Variants in IMMP2L observed in about 807,000 individuals in gnomAD.
IMMP2L encodes the protein inner mitochondrial membrane peptidase subunit 2, also known as mitochondrial inner membrane protease subunit 2.
IMMP2L carries 18 observed loss-of-function variants against 19.3 expected under a neutral mutation model. The observed-to-expected ratio is 0.93, with a 90% CI of 0.64 to 1.38. IMMP2L has a LOEUF of 1.38. Among genes scored for constraint, IMMP2L ranks in the 40% most tolerant of loss-of-function variants. The pLI is 0.00. For synonymous variants in IMMP2L, 76 were observed against 73.0 expected, an observed-to-expected ratio of 1.04 and a Z score of -0.21; for missense variants, 233 against 218.2, an observed-to-expected ratio of 1.07 and a Z score of -0.43.
intron 5 of IMMP2L, among the ~76,000 whole-genome samples, chr7:110,742,768 C>CA (rs35558488): frequency 3.0e-4 from 37 of 121,566 alleles, no homozygotes; most frequent in East Asian, 2.0e-3. Context: ...AACTCCGTCT[C>CA]AAAAAAAAAA....
intron 3 of IMMP2L, among the ~76,000 whole-genome samples, chr7:111,377,348 G>C (rs533765737): frequency 2.0e-5 from 3 of 151,724 alleles, no homozygotes; most frequent in Non-Finnish European, 4.4e-5. Context: ...TCCTTCTATA[G>C]TACAGCTCTA....
rs868624160 is a variant in IMMP2L, at chr7:111,355,763, T to A, written c.239+131475A>T. 5.5e-4 allele frequency among the ~76,000 whole-genome samples: 83 copies of A among 152,042 alleles called. 1 individual carries two copies. The Middle Eastern group carries it at 0.017, about 31-fold the overall frequency. On this transcript the variant is annotated intron_variant, in intron 3 of 5. Coordinates refer to ENST00000405709, the MANE Select transcript of IMMP2L (RefSeq NM_032549.4). ...CCAAACATATTTGAAGCTATTTTTTTAACTAAGGAGAACATACAATTAGTC... is the reference window on the plus strand; with the variant it reads ...CCAAACATATTTGAAGCTATTTTTTAAACTAAGGAGAACATACAATTAGTC...
chr7:110,921,053 A>T (rs1413029487), intron 4 of IMMP2L, among the ~76,000 whole-genome samples: 2 of 152,214 alleles, frequency 1.3e-5, no homozygotes, highest in Non-Finnish European at 2.9e-5. Context: ...AAAGAATAAG[A>T]ATTAGAACTG....
chr7:110,738,035 T>A (rs945486023), intron 5 of IMMP2L, among the ~76,000 whole-genome samples: 1 of 152,180 alleles, frequency 6.6e-6, no homozygotes, highest in Non-Finnish European at 1.5e-5. Context: ...TGAAGCACCC[T>A]GTGGGACAAA....
intron 3 of IMMP2L, among the ~76,000 whole-genome samples, chr7:111,429,035 T>C (rs1282997423): frequency 6.6e-6 from 1 of 151,852 alleles, no homozygotes; most frequent in Admixed American, 6.6e-5. Context: ...ACATAAGTAG[T>C]TGGATGAATA....
intron 3 of IMMP2L, among the ~76,000 whole-genome samples, chr7:111,330,957 G>C (rs1433826799): frequency 6.6e-6 from 1 of 151,844 alleles, no homozygotes; most frequent in Non-Finnish European, 1.5e-5. Flanking sequence ...GGAGAAAAGG[G>C]AATCCTTGTA....
chr7:110,821,397 A>C (rs1803015085), intron 5 of IMMP2L, among the ~76,000 whole-genome samples: 1 of 152,060 alleles, frequency 6.6e-6, no homozygotes, highest in Admixed American at 6.6e-5. Flanking sequence ...GCATTAATGT[A>C]ATTTCAATCT....
chr7:111,432,871 T>C (rs982240717), intron 3 of IMMP2L, among the ~76,000 whole-genome samples: 9 of 149,670 alleles, frequency 6.0e-5, no homozygotes, highest in East Asian at 2.0e-4. Context: ...AAAATTAATA[T>C]ACAGAAATCA....
chr7:111,175,218 G>A (rs1163682888), intron 3 of IMMP2L, among the ~76,000 whole-genome samples: 2 of 151,694 alleles, frequency 1.3e-5, no homozygotes, highest in Non-Finnish European at 2.9e-5. Context: ...CAAGCAGATG[G>A]CCAAGGAAAA....
At chr7:111,543,388 C>T (rs75603263) in intron 1 of IMMP2L, among the ~76,000 whole-genome samples, 2,494 of 152,098 alleles carry the variant, frequency 0.016, 66 homozygotes, top group African/African-American at 0.057. Flanking sequence ...TATAACAAAC[C>T]CCTCCCCTGA....
intron 3 of IMMP2L, among the ~76,000 whole-genome samples, chr7:111,081,248 T>C (rs912182328): frequency 2.0e-5 from 3 of 152,144 alleles, no homozygotes; most frequent in Non-Finnish European, 4.4e-5. Context: ...TTACATGAAA[T>C]ATATGTTTAT....
At chr7:111,533,213 A>T (rs1189487422) in intron 1 of IMMP2L, among the ~76,000 whole-genome samples, 1 of 152,196 alleles carries the variant, frequency 6.6e-6, no homozygotes, top group Non-Finnish European at 1.5e-5. Flanking sequence ...AAGTCCAGGT[A>T]TTATAACGAG....
chr7:111,411,392 G>A (rs78244315), intron 3 of IMMP2L: 2 of 475,152 alleles, frequency 4.2e-6, no homozygotes, highest in Non-Finnish European at 8.4e-6. Context: ...AAAAAAAGGG[G>A]TCCCCGTGAA....
chr7:111,125,888 C>T lies in IMMP2L; in HGVS notation c.240-162323G>A, dbSNP rs1801255523. On this transcript the variant is annotated intron_variant, in intron 3 of 5. Transcript: ENST00000405709. ...CTCAGGCAGGAGTGCAGTGGCAAAA[C>T]CTAGGCTCACTGCAGACTCCGCTTC... 8.2e-5 allele frequency among the ~76,000 whole-genome samples: 11 copies of T among 133,520 alleles called. No homozygotes were observed. In the Admixed American group the frequency reaches 9.3e-4, roughly 11 times the overall value. The allele number at this position is 133,520 out of a possible 152,430, so 87.6% of individuals were successfully genotyped here. A position where few individuals can be genotyped will look rare whatever the true frequency, so the allele number is the denominator to read the frequency against.
At chr7:111,111,942 GTTTTTT>G (rs748410980) in intron 3 of IMMP2L, among the ~76,000 whole-genome samples, 2 of 84,110 alleles carry the variant, frequency 2.4e-5, no homozygotes, top group Non-Finnish European at 4.4e-5. Context: ...TATATAGTTT[GTTTTTT>G]TTTTTTTTTT....
intron 5 of IMMP2L, among the ~76,000 whole-genome samples, chr7:110,847,416 G>A (rs1194523935): frequency 2.0e-5 from 3 of 151,966 alleles, no homozygotes; most frequent in South Asian, 2.1e-4. Flanking sequence ...TTTAATACAC[G>A]CTCATTTGAG....
chr7:111,396,326 C>T (rs1462408585), intron 3 of IMMP2L, among the ~76,000 whole-genome samples: 1 of 151,994 alleles, frequency 6.6e-6, no homozygotes, highest in African/African-American at 2.4e-5. Flanking sequence ...TACTATGCAG[C>T]CATAAAAAGA....
At chr7:111,496,897 C>CATAG (rs367671688) in intron 2 of IMMP2L, among the ~76,000 whole-genome samples, 23,139 of 151,508 alleles carry the variant, frequency 0.15, 1,842 homozygotes, top group Middle Eastern at 0.22. Context: ...TAGATAGATA[C>CATAG]ATAGATAGAT....
chr7:111,489,078 C>CCGT (rs1441015925), intron 2 of IMMP2L, among the ~76,000 whole-genome samples: 1 of 137,584 alleles, frequency 7.3e-6, no homozygotes, highest in Non-Finnish European at 1.5e-5. Context: ...GAGTCTCACA[C>CCGT]CGTCGCCCAG....
Sources: gnomAD v4.1 joint callset for allele counts (sites outside exome capture counted in the v4.1 genomes callset) on GRCh38, gnomAD v4.1.1 for gene constraint, MANE v1.5 for transcripts, NCBI Gene and HGNC (gene_info 2026-07-23, HGNC 2026-07-21) for gene names.